ELOVL6: variants seen among roughly 807,000 people sequenced by gnomAD.
ELOVL6 encodes ELOVL fatty acid elongase 6.
A neutral mutation model predicts 31.7 loss-of-function variants in ELOVL6; 8 were observed. The ratio of observed to expected loss-of-function variants is 0.25; its 90% CI spans 0.15 to 0.45. The LOEUF is 0.45. Among genes scored for constraint, ELOVL6 ranks in the 20% least tolerant of loss-of-function variants. The probability of loss-of-function intolerance (pLI) is 1.00; values close to 1 mark genes in which losing one functional copy is unlikely to be tolerated. For synonymous variants in ELOVL6, 101 were observed against 117.7 expected (o/e 0.86, Z 0.92); for missense variants, 126 against 326.4 (o/e 0.39, Z 4.73).
intron 1 of ELOVL6, among the ~76,000 whole-genome samples, chr4:110,126,920 A>G (rs757701081): frequency 6.6e-6 from 1 of 152,188 alleles, no homozygotes; most frequent in Non-Finnish European, 1.5e-5. Flanking sequence ...GATAACATGC[A>G]TATCAAAATT....
chr4:110,051,327 C>G lies in ELOVL6; in HGVS notation c.*11G>C. 6.2e-7 allele frequency: 1 copy of G among 1,610,346 alleles called. No individual in the cohort carries two copies. Among genetic ancestry groups the G allele is most frequent in the Non-Finnish European group, 8.5e-7 (1 of 1,177,454 alleles). ...TGACCCTGAGCTATGGCTTCCTCCT[C>G]AGTTCCAACACTATTCAGCTTTCGT... is the stretch of plus-strand genomic sequence containing the variant. On this transcript the variant is annotated 3_prime_UTR_variant, in exon 4 of 4. Coordinates refer to ENST00000302274, the MANE Select transcript of ELOVL6 (RefSeq NM_024090.3). The surrounding 1 kb of genome is among the most constrained non-coding windows in gnomAD (Gnocchi z 4.8).
intron 3 of ELOVL6, among the ~76,000 whole-genome samples, chr4:110,059,184 C>T (rs958572668): frequency 3.3e-5 from 5 of 152,162 alleles, no homozygotes; most frequent in South Asian, 2.1e-4. Flanking sequence ...AAATGAAAAG[C>T]TTAATTCCTA....
intron 1 of ELOVL6, among the ~76,000 whole-genome samples, chr4:110,191,831 T>C (rs1759630491): frequency 6.6e-6 from 1 of 151,838 alleles, no homozygotes; most frequent in African/African-American, 2.4e-5. Context: ...TAGATGGTTA[T>C]TGTATATCCC....
At chr4:110,117,978 A>C (rs1432569805) in intron 1 of ELOVL6, 6 of 107,058 alleles carry the variant, frequency 5.6e-5, no homozygotes, top group African/African-American at 2.0e-4. Context: ...TTTCTTTTTG[A>C]GACAAACTCT....
intron 1 of ELOVL6, among the ~76,000 whole-genome samples, chr4:110,178,678 A>T (rs1759185805): frequency 6.6e-6 from 1 of 151,988 alleles, no homozygotes; most frequent in Non-Finnish European, 1.5e-5. Context: ...ACATAGTGAG[A>T]CCTCGTCTCT....
chr4:110,115,032 C>T (rs374662643), intron 1 of ELOVL6, among the ~76,000 whole-genome samples: 1 of 151,958 alleles, frequency 6.6e-6, no homozygotes, highest in African/African-American at 2.4e-5. Context: ...TTTCATTTCC[C>T]CAAATCACCT....
chr4:110,116,767 C>T (rs1212041646), intron 1 of ELOVL6, among the ~76,000 whole-genome samples: 3 of 152,170 alleles, frequency 2.0e-5, no homozygotes, highest in African/African-American at 7.2e-5. Context: ...TATCCTTCCT[C>T]TCTTTTTGGG....
chr4:110,130,147 C>T (rs576168640), intron 1 of ELOVL6, among the ~76,000 whole-genome samples: 5 of 152,106 alleles, frequency 3.3e-5, no homozygotes, highest in Admixed American at 1.3e-4. Flanking sequence ...CCGCCCACCT[C>T]GGCCTCCCAA....
chr4:110,077,838 T>A (rs977168695), intron 2 of ELOVL6, among the ~76,000 whole-genome samples: 1 of 151,978 alleles, frequency 6.6e-6, no homozygotes, highest in Admixed American at 6.6e-5. Context: ...TTAAAAACCT[T>A]GAAAAAAAAT....
chr4:110,063,646 C>G (rs1755210911), intron 2 of ELOVL6, among the ~76,000 whole-genome samples: 2 of 151,800 alleles, frequency 1.3e-5, no homozygotes, highest in South Asian at 4.2e-4. Flanking sequence ...ATAGATTATT[C>G]TAAATCTAGA....
chr4:110,094,247 T>TAA (rs1560820453), intron 2 of ELOVL6, among the ~76,000 whole-genome samples: 1 of 111,424 alleles, frequency 9.0e-6, no homozygotes, highest in South Asian at 2.6e-4. Flanking sequence ...AAACTCCATC[T>TAA]CAAAAAAAAA....
At chr4:110,052,401 A>G (rs1754858809) in intron 3 of ELOVL6, among the ~76,000 whole-genome samples, 2 of 152,232 alleles carry the variant, frequency 1.3e-5, no homozygotes, top group African/African-American at 4.8e-5. Context: ...AGACAGAAAA[A>G]GGGGGACAAA....
chr4:110,161,029 T>A (rs900182517), intron 1 of ELOVL6, among the ~76,000 whole-genome samples: 1 of 152,200 alleles, frequency 6.6e-6, no homozygotes, highest in Non-Finnish European at 1.5e-5. Context: ...AAGAATGCTA[T>A]CTATTCCCTC....
chr4:110,172,853 T>A (rs1758994673), intron 1 of ELOVL6, among the ~76,000 whole-genome samples: 1 of 152,134 alleles, frequency 6.6e-6, no homozygotes, highest in African/African-American at 2.4e-5. Flanking sequence ...GACTTTTCAT[T>A]GAGTGTCACA....
rs1014555344 is a variant in ELOVL6 at position 110,104,032 on chromosome 4, G to A, written c.221+1465C>T. Among the ~76,000 whole-genome samples, 18 of 152,150 alleles carry A rather than the reference G, an allele frequency of 1.2e-4. No individual in the cohort carries two copies. The South Asian group carries it at 1.2e-3, about 11-fold the overall frequency. On this transcript the variant is annotated intron_variant, in intron 2 of 3. Coordinates refer to ENST00000302274, the MANE Select transcript of ELOVL6 (RefSeq NM_024090.3). ...AGAAACAAGGTGAGCAAGATTAAAC[G>A]AAGTAAAATCAGCCAAGTGTTGACA...
chr4:110,116,797 G>T (rs1243372013), intron 1 of ELOVL6, among the ~76,000 whole-genome samples: 1 of 152,096 alleles, frequency 6.6e-6, no homozygotes, highest in African/African-American at 2.4e-5. Flanking sequence ...ATAAAGATAG[G>T]TTTCTATGCA....
intron 1 of ELOVL6, among the ~76,000 whole-genome samples, chr4:110,158,657 A>ATATATATATATATTTT: frequency 5.4e-5 from 4 of 74,158 alleles, no homozygotes; most frequent in African/African-American, 1.7e-4. Flanking sequence ...ATATATATAT[A>ATATATATATATATTTT]TTTTTTTTTT....
intron 1 of ELOVL6, among the ~76,000 whole-genome samples, chr4:110,122,654 A>C (rs1757386974): frequency 6.6e-6 from 1 of 152,212 alleles, no homozygotes; most frequent in South Asian, 2.1e-4. Flanking sequence ...CTGGGATTAC[A>C]GGTGTGAGGC....
chr4:110,128,016 T>C (rs1484244689), intron 1 of ELOVL6, among the ~76,000 whole-genome samples: 3 of 149,250 alleles, frequency 2.0e-5, no homozygotes, highest in Non-Finnish European at 3.0e-5. Flanking sequence ...AAGACTGGCC[T>C]GGGCTACACA....
Sources: allele counts gnomAD v4.1 joint callset (sites outside exome capture counted in the v4.1 genomes callset), GRCh38; gene constraint gnomAD v4.1.1; non-coding constraint Gnocchi (gnomAD v3.1); transcripts MANE v1.5; gene names NCBI Gene and HGNC (gene_info 2026-07-23, HGNC 2026-07-21).